LGSN: variants seen among roughly 807,000 people sequenced by gnomAD.
LGSN encodes the protein lengsin, lens protein with glutamine synthetase domain.
A neutral mutation model predicts 19.5 loss-of-function variants in LGSN; 21 were observed. That is an observed-to-expected ratio of 1.07 (90% CI 0.76 to 1.55). LGSN has a LOEUF of 1.55. Ranked by LOEUF, LGSN falls within the 40% of genes most tolerant of loss-of-function variation. The probability of loss-of-function intolerance (pLI) is 0.00; values close to 1 mark genes in which losing one functional copy is unlikely to be tolerated. For synonymous variants in LGSN, 257 were observed against 215.6 expected (o/e 1.19, Z -1.68); for missense variants, 673 against 608.5 (o/e 1.11, Z -1.12).
chr6:63,381,988 T>A, the LGSN span, among the ~76,000 whole-genome samples: 4 of 152,186 alleles, frequency 2.6e-5, no homozygotes, highest in Admixed American at 2.6e-4. Context: ...ATTTTCACAC[T>A]CATGCTGAAC....
intron 1 of LGSN, among the ~76,000 whole-genome samples, chr6:63,308,932 C>G (rs981944613): frequency 3.3e-5 from 5 of 152,176 alleles, no homozygotes; most frequent in Non-Finnish European, 4.4e-5. Context: ...ACATCACAAA[C>G]TTGTATTAAT....
chr6:63,439,802 T>C, the LGSN span, among the ~76,000 whole-genome samples: 1 of 152,224 alleles, frequency 6.6e-6, no homozygotes, highest in African/African-American at 2.4e-5. Flanking sequence ...GTCAAAGCTC[T>C]ACTCTTCTTT....
At chr6:63,412,485 A>AG in the LGSN span, among the ~76,000 whole-genome samples, 10 of 64,590 alleles carry the variant, frequency 1.5e-4, no homozygotes, top group South Asian at 1.1e-3. Flanking sequence ...AAGAAAGAGA[A>AG]GAAAGAAAGA....
the LGSN span, among the ~76,000 whole-genome samples, chr6:63,461,045 G>A: frequency 3.4e-4 from 52 of 152,248 alleles, no homozygotes; most frequent in Middle Eastern, 6.8e-3. Flanking sequence ...ATCTTGTATC[G>A]TAAATGTCTC....
At chr6:63,285,791 A>G (rs1767510807) in intron 2 of LGSN, 38 bp from the exon 3 acceptor site, 2 of 1,572,018 alleles carry the variant, frequency 1.3e-6, no homozygotes, top group South Asian at 2.2e-5. Context: ...TCACGAGATC[A>G]TGATGGACTG....
chr6:63,298,799 T>C (rs1035665047), intron 1 of LGSN, among the ~76,000 whole-genome samples: 20 of 152,152 alleles, frequency 1.3e-4, no homozygotes, highest in Non-Finnish European at 2.6e-4. Flanking sequence ...AAATGAAGGC[T>C]CCCAAATTAG....
At chr6:63,572,448 G>T in the LGSN span, 6 of 378,798 alleles carry the variant, frequency 1.6e-5, no homozygotes, top group Non-Finnish European at 2.8e-5. Flanking sequence ...CGTCGCGCCG[G>T]CTATAAAGGG....
chr6:63,536,244 C>G, the LGSN span, among the ~76,000 whole-genome samples: 1 of 152,098 alleles, frequency 6.6e-6, no homozygotes, highest in Non-Finnish European at 1.5e-5. Flanking sequence ...GCAGGAGAAT[C>G]GCTCGAACCT....
upstream of LGSN, among the ~76,000 whole-genome samples, chr6:63,324,152 A>C (rs796082144): frequency 3.3e-5 from 5 of 152,316 alleles, no homozygotes; most frequent in African/African-American, 1.2e-4. Flanking sequence ...TGAGAATGAA[A>C]AGGCAAATAG....
the LGSN span, among the ~76,000 whole-genome samples, chr6:63,432,591 C>T: frequency 6.6e-6 from 1 of 151,744 alleles, no homozygotes; most frequent in Non-Finnish European, 1.5e-5. Context: ...ACTCGGGAGG[C>T]TGAGGCAGGA....
At chr6:63,526,824 TATATA>T in the LGSN span, among the ~76,000 whole-genome samples, 52 of 143,734 alleles carry the variant, frequency 3.6e-4, 2 homozygotes, top group African/African-American at 1.3e-3. Flanking sequence ...TATATATATA[TATATA>T]TATATATTTA....
the LGSN span, among the ~76,000 whole-genome samples, chr6:63,341,263 G>A: frequency 2.6e-5 from 4 of 152,118 alleles, no homozygotes; most frequent in South Asian, 4.1e-4. Context: ...GGGCAGGGCC[G>A]GCCGATCCTC....
At chr6:63,566,455 T>A in the LGSN span, among the ~76,000 whole-genome samples, 1 of 152,114 alleles carries the variant, frequency 6.6e-6, no homozygotes, top group Non-Finnish European at 1.5e-5. Context: ...ATGTTCAAGC[T>A]GGTTTGGGTT....
the LGSN span, among the ~76,000 whole-genome samples, chr6:63,518,678 CA>C: frequency 6.6e-6 from 1 of 152,186 alleles, no homozygotes; most frequent in Non-Finnish European, 1.5e-5. Context: ...TTCTTTCTAG[CA>C]AGCCATTCAG....
At chr6:63,306,549 A>T (rs903900099) in intron 1 of LGSN, among the ~76,000 whole-genome samples, 3 of 152,250 alleles carry the variant, frequency 2.0e-5, no homozygotes, top group African/African-American at 7.2e-5. Flanking sequence ...AATCAAAGAC[A>T]TAAAAATAAA....
the LGSN span, among the ~76,000 whole-genome samples, chr6:63,442,578 T>C: frequency 2.5e-4 from 38 of 152,186 alleles, no homozygotes; most frequent in Admixed American, 1.4e-3. Flanking sequence ...AGAGCACTGA[T>C]TGGTGTGTTT....
chr6:63,392,347 A>C, the LGSN span: 5 of 152,294 alleles, frequency 3.3e-5, no homozygotes, highest in Admixed American at 1.3e-4. Context: ...CCTCCACAGC[A>C]GGGGCCCCTT....
chr6:63,412,398 GGAAAGAAAGAAAGAAAGAA>G, the LGSN span, among the ~76,000 whole-genome samples: 3 of 90,410 alleles, frequency 3.3e-5, no homozygotes, highest in African/African-American at 5.3e-5. Flanking sequence ...GATGAAAGAA[GGAAAGAAAGAAAGAAAGAA>G]GAAAGAAAGA....
the LGSN span, among the ~76,000 whole-genome samples, chr6:63,357,492 T>C: frequency 2.0e-5 from 3 of 152,174 alleles, no homozygotes; most frequent in Non-Finnish European, 4.4e-5. Flanking sequence ...CTCCAGCACC[T>C]GTTGTTTCCT....
Sources: gnomAD v4.1 joint callset for allele counts (sites outside exome capture counted in the v4.1 genomes callset) on GRCh38, gnomAD v4.1.1 for gene constraint, MANE v1.5 for transcripts, NCBI Gene and HGNC (gene_info 2026-07-23, HGNC 2026-07-21) for gene names.